The following CWC25 variants were observed in gnomAD, a reference collection of about 807,000 sequenced individuals.
CWC25 encodes CWC25 spliceosome associated protein.
CWC25 carries 31 observed loss-of-function variants against 54.6 expected under a neutral mutation model. The observed-to-expected ratio is 0.57, with a 90% CI of 0.43 to 0.77. CWC25 has a LOEUF of 0.77. Among genes scored for constraint, CWC25 ranks in the 30% least tolerant of loss-of-function variants. The pLI, the probability that CWC25 is intolerant of heterozygous loss-of-function variation, is 0.00. For missense variants in CWC25, 453 were observed against 529.3 expected (o/e 0.86, Z 1.41); for synonymous variants, 151 against 187.0 (o/e 0.81, Z 1.57).
rs1315928553 is a variant in CWC25 at position 38,802,872 on chromosome 17, C to T, written c.1002-11G>A. 2 of 1,613,790 alleles carry T rather than the reference C, an allele frequency of 1.2e-6. No homozygotes were observed. Among genetic ancestry groups the T allele is most frequent in the Admixed American group, 1.7e-5 (1 of 60,000 alleles). On this transcript the variant is annotated splice_polypyrimidine_tract_variant and intron_variant, in intron 8 of 9. Coordinates refer to ENST00000614790, the MANE Select transcript of CWC25 (RefSeq NM_017748.5). The stretch of plus-strand genomic sequence containing the variant: ...TCTGCAGAGAGTTTTCTGTTGAGCA[C>T]AGAAACCATACGATCAGGTCTCTTC...
Position 38,814,952 on chromosome 17 carries a change from G to T in CWC25, c.337C>A (p.Leu113Ile). ...GGGGCAAAGATAGAGCCTGGGAGAAGTCCTGTTTCAGAAGAGCAGCCTGCC... is the reference window on the plus strand; with the variant it reads ...GGGGCAAAGATAGAGCCTGGGAGAATTCCTGTTTCAGAAGAGCAGCCTGCC... Reference protein sequence around the residue: ...KEAGCSSETGLLPGSIFAPSG... With the variant: ...KEAGCSSETGILPGSIFAPSG... The change falls in exon 3 of 10, where the codon CTT becomes ATT. Residue 113 changes from leucine (L) to isoleucine (I), a missense_variant. Leu to Ile is a conservative substitution (Grantham distance 5, BLOSUM62 2). Coordinates refer to ENST00000614790, the MANE Select transcript of CWC25 (RefSeq NM_017748.5). 6.2e-7 allele frequency: 1 copy of T among 1,613,778 alleles called. No individual in the cohort carries two copies. Among genetic ancestry groups the T allele is most frequent in the Non-Finnish European group, 8.5e-7 (1 of 1,179,880 alleles).
chr17:38,820,789 G>T, intron 2 of CWC25, 112 bp downstream of exon 2: 1 of 1,259,686 alleles, frequency 7.9e-7, no homozygotes, highest in Non-Finnish European at 1.1e-6. Flanking sequence ...GGTGAGTCTG[G>T]CATTACAACC....
At chr17:38,815,693 G>C (rs1911668008) in intron 2 of CWC25, 1 of 1,277,910 alleles carries the variant, frequency 7.8e-7, no homozygotes, top group South Asian at 1.2e-5. Context: ...AGAGCTTCTC[G>C]AGTCTCCTTT....
At position 38,820,930 on chromosome 17, in the gene CWC25, C is replaced by T; in HGVS notation, c.162G>A (p.Gln54=). ...CGGCCCCAACATCCTCCGCATAGCG[C>T]TGCATCTCTTCCCGGGCTCTCTCTT... ...LREERAREEM[Q]RYAEDVGAVK... The change falls in exon 2 of 10, where the codon CAG becomes CAA. Residue 54 remains glutamine (Q), a synonymous_variant. Coordinates refer to ENST00000614790, the MANE Select transcript of CWC25 (RefSeq NM_017748.5). 1 of 1,613,834 alleles carries T rather than the reference C, an allele frequency of 6.2e-7. No homozygotes were observed. The highest frequency in any genetic ancestry group is 8.5e-7 in the Non-Finnish European group (1 of 1,179,822).
At chr17:38,816,102 A>G (rs557275263) in intron 2 of CWC25, among the ~76,000 whole-genome samples, 10 of 152,314 alleles carry the variant, frequency 6.6e-5, no homozygotes, top group Admixed American at 3.9e-4. Context: ...TGGAACCCTC[A>G]TACCACAGAC....
At chr17:38,824,596 G>C (rs1001250317) in intron 1 of CWC25, among the ~76,000 whole-genome samples, 11 of 151,874 alleles carry the variant, frequency 7.2e-5, no homozygotes, top group African/African-American at 2.7e-4. Flanking sequence ...TGAGGCAGGA[G>C]AATCGCTTGA....
Position 38,817,526 on chromosome 17 carries a change from C to T in CWC25, c.192-2429G>A, listed in dbSNP as rs140608311. On this transcript the variant is annotated intron_variant, in intron 2 of 9. Coordinates refer to ENST00000614790, the MANE Select transcript of CWC25 (RefSeq NM_017748.5). Reference sequence around the variant, plus strand: ...AAATTAGGCCAGGCACAGTAACTCACGCCTGTAATCCCAGCACTTTGGGAG... The same window carrying T: ...AAATTAGGCCAGGCACAGTAACTCATGCCTGTAATCCCAGCACTTTGGGAG... Among the ~76,000 whole-genome samples, 363 of 152,148 alleles carry T rather than the reference C, an allele frequency of 2.4e-3. 3 individuals are homozygous for T. The highest frequency in any genetic ancestry group is 8.6e-3 in the African/African-American group (356 of 41,520).
At chr17:38,806,605 C>CTTT in intron 7 of CWC25, 160 bp downstream of exon 7, 1 of 782,540 alleles carries the variant, frequency 1.3e-6, no homozygotes, top group South Asian at 1.9e-5. Context: ...GATGCCTGAG[C>CTTT]TTTACATTGA....
Position 38,802,690 on chromosome 17 carries a change from A to G in CWC25, c.1163+10T>C, listed in dbSNP as rs1290365874. ...CATGAAAGACCCTGGCAGGAAGAAG[A>G]TGCACTCACTGGATGAACTTCCCAT... On this transcript the variant is annotated intron_variant, in intron 9 of 9. Transcript: ENST00000614790. The G allele has an allele frequency of 3.7e-6, 6 of 1,613,590 alleles. No individual in the cohort carries two copies. Among genetic ancestry groups the G allele is most frequent in the Non-Finnish European group, 5.1e-6 (6 of 1,179,758 alleles).
chr17:38,811,110 A>T (rs908324515), intron 4 of CWC25, among the ~76,000 whole-genome samples: 3 of 151,496 alleles, frequency 2.0e-5, no homozygotes, highest in Middle Eastern at 6.8e-3. Context: ...GTGTACCTGT[A>T]GTTCTAGCTA....
intron 9 of CWC25, among the ~76,000 whole-genome samples, 192 bp downstream of exon 9, chr17:38,802,508 C>A (rs1039265721): frequency 1.6e-4 from 24 of 152,164 alleles, no homozygotes; most frequent in African/African-American, 5.5e-4. Flanking sequence ...TTAGAAAATA[C>A]CAAATTCACT....
chr17:38,810,349 T>C lies in CWC25; in HGVS notation c.626+119A>G, dbSNP rs563483552. 3 of 1,093,322 alleles carry C rather than the reference T, an allele frequency of 2.7e-6. No individual in the cohort carries two copies. In the East Asian group the frequency reaches 8.1e-5, roughly 29 times the overall value. 67.7% of individuals were successfully genotyped at this position (1,093,322 alleles called of 1,614,324 possible). A position where few individuals can be genotyped will look rare whatever the true frequency, so the allele number is the denominator to read the frequency against. ...CACTGGGCCCATGTTCAAGTGTTCA[T>C]CACTGAATGCCCAGTACCTGGCAGC... On this transcript the variant is annotated intron_variant, in intron 5 of 9. Transcript: ENST00000614790.
intron 6 of CWC25, among the ~76,000 whole-genome samples, chr17:38,809,463 A>G (rs1179598169): frequency 6.6e-6 from 1 of 152,118 alleles, no homozygotes; most frequent in Non-Finnish European, 1.5e-5. Context: ...ATACACTTAA[A>G]ATGTGTGCAT....
chr17:38,808,775 T>C (rs1159942810), intron 6 of CWC25, among the ~76,000 whole-genome samples: 1 of 150,402 alleles, frequency 6.6e-6, no homozygotes, highest in Non-Finnish European at 1.5e-5. Flanking sequence ...GGAGAAACCC[T>C]GTCTCTACTA....
intron 5 of CWC25, 133 bp from the exon 6 acceptor site, chr17:38,809,898 T>C: frequency 2.6e-6 from 2 of 758,352 alleles, no homozygotes; most frequent in East Asian, 2.7e-5. Context: ...TGGCAGTACG[T>C]TTCTCTATTT....
intron 2 of CWC25, among the ~76,000 whole-genome samples, chr17:38,819,423 C>A (rs557566490): frequency 6.9e-6 from 1 of 145,806 alleles, no homozygotes; most frequent in African/African-American, 2.5e-5. Context: ...CTGGAGTACA[C>A]TGGCGCAATC....
chr17:38,809,551 GTCA>G, intron 6 of CWC25, 148 bp downstream of exon 6: 1 of 618,654 alleles, frequency 1.6e-6, no homozygotes, highest in South Asian at 2.1e-5. Context: ...TGCTCAGAGG[GTCA>G]TCAGCCACAA....
Position 38,801,939 on chromosome 17 carries a change from T to C in CWC25, c.*153A>G, listed in dbSNP as rs1043297283. 2.1e-5 allele frequency: 11 copies of C among 530,104 alleles called. No homozygotes were observed. The Admixed American group carries it at 3.8e-4, about 18-fold the overall frequency. The allele number at this position is 530,104 out of a possible 1,614,324, so 32.8% of individuals were successfully genotyped here. A position where few individuals can be genotyped will look rare whatever the true frequency, so the allele number is the denominator to read the frequency against. On this transcript the variant is annotated 3_prime_UTR_variant, in exon 10 of 10. Coordinates refer to ENST00000614790, the MANE Select transcript of CWC25 (RefSeq NM_017748.5). ...AAGTCACACTAGCTCTCAAAGGAAG[T>C]GAGCTGTTTCAGGACTCAATGAAGC... is the stretch of plus-strand genomic sequence containing the variant.
At position 38,802,116 on chromosome 17, in the gene CWC25, C is replaced by G; in HGVS notation, c.1254G>C (p.Leu418=). 1 of 1,613,066 alleles carries G rather than the reference C, an allele frequency of 6.2e-7. No homozygotes were observed. The highest frequency in any genetic ancestry group is 8.5e-7 in the Non-Finnish European group (1 of 1,179,178). The change falls in exon 10 of 10, where the codon CTG becomes CTC. Residue 418 remains leucine (L), a synonymous_variant. Transcript: ENST00000614790. ...IYSLQRTSVA[L]EKNFMKR ...TTCATCTTTTCATAAAGTTCTTCTC[C>G]AGAGCTACCGAAGTTCTCTGTAAAG... is the stretch of plus-strand genomic sequence containing the variant.
Sources: allele counts gnomAD v4.1 joint callset (sites outside exome capture counted in the v4.1 genomes callset), GRCh38; gene constraint gnomAD v4.1.1; transcripts MANE v1.5; gene names NCBI Gene and HGNC (gene_info 2026-07-23, HGNC 2026-07-21).